GON4L: variants seen among roughly 807,000 people sequenced by gnomAD.
The protein encoded by GON4L is GON-4-like protein.
GON4L carries 87 observed loss-of-function variants against 211.8 expected under a neutral mutation model. That is an observed-to-expected ratio of 0.41 (90% CI 0.35 to 0.49). GON4L has a LOEUF of 0.49. GON4L is among the 20% of genes least tolerant of loss of function. GON4L has a pLI of 0.15. For synonymous variants in GON4L, 875 were observed against 962.6 expected (o/e 0.91, Z 1.68); for missense variants, 2,155 against 2,659.5 (o/e 0.81, Z 4.17).
intron 28 of GON4L, among the ~76,000 whole-genome samples, 163 bp from the exon 29 acceptor site, chr1:155,753,577 T>C (rs1157340903): frequency 6.6e-6 from 1 of 152,180 alleles, no homozygotes; most frequent in Non-Finnish European, 1.5e-5. Flanking sequence ...CAGTGGTACA[T>C]GCCTATAAAC....
rs145107605 is a variant in GON4L at position 155,770,181 on chromosome 1, C to A, written c.2646+886G>T. Among the ~76,000 whole-genome samples the A allele has an allele frequency of 2.3e-4, 35 of 152,012 alleles. No homozygotes were observed. The East Asian group carries it at 6.6e-3, about 29-fold the overall frequency. On this transcript the variant is annotated intron_variant, in intron 19 of 31. Coordinates refer to ENST00000368331, the MANE Select transcript of GON4L (RefSeq NM_001282860.2). ...GAGCTATGACTGTACCACTGTACTC[C>A]AGCCTGGGTAGCAGAGTAAGACCCT...
intron 27 of GON4L, among the ~76,000 whole-genome samples, chr1:155,756,112 TCA>T (rs1225981804): frequency 6.6e-6 from 1 of 152,112 alleles, no homozygotes; most frequent in Non-Finnish European, 1.5e-5. Context: ...TCTCTGCACT[TCA>T]GTTATGTCTT....
chr1:155,758,506 G>A (rs140835264), intron 24 of GON4L, among the ~76,000 whole-genome samples: 2 of 152,308 alleles, frequency 1.3e-5, no homozygotes, highest in African/African-American at 2.4e-5. Flanking sequence ...GGGCCGTGGT[G>A]TACACCTGTA....
intron 8 of GON4L, among the ~76,000 whole-genome samples, chr1:155,814,914 A>G (rs1258989660): frequency 1.3e-5 from 2 of 151,538 alleles, no homozygotes; most frequent in Non-Finnish European, 2.9e-5. Context: ...GAAGTCCGAG[A>G]CCAGCCTGGC....
intron 11 of GON4L, among the ~76,000 whole-genome samples, chr1:155,798,729 C>A (rs566966719): frequency 5.3e-5 from 8 of 151,874 alleles, no homozygotes; most frequent in South Asian, 4.2e-4. Flanking sequence ...TCAAAAAGTT[C>A]TTAACAAACA....
At chr1:155,806,958 C>T (rs1667185581) in intron 10 of GON4L, among the ~76,000 whole-genome samples, 2 of 151,940 alleles carry the variant, frequency 1.3e-5, no homozygotes, top group South Asian at 4.2e-4. Flanking sequence ...AAATTAGTTG[C>T]GTGTGGTGGC....
At chr1:155,748,978 G>C (rs545839541), downstream of GON4L, among the ~76,000 whole-genome samples, 1 of 152,272 alleles carries the variant, frequency 6.6e-6, no homozygotes, top group South Asian at 2.1e-4. Flanking sequence ...CTTGGGCTAG[G>C]CATGGTGGCT....
intron 2 of GON4L, among the ~76,000 whole-genome samples, chr1:155,831,129 T>TGG: frequency 6.6e-6 from 1 of 151,980 alleles, no homozygotes; most frequent in Non-Finnish European, 1.5e-5. Context: ...TGAAACGCTA[T>TGG]CTCGACAAAA....
At chr1:155,797,615 G>A (rs1366863549) in intron 11 of GON4L, among the ~76,000 whole-genome samples, 1 of 151,304 alleles carries the variant, frequency 6.6e-6, no homozygotes, top group East Asian at 2.0e-4. Context: ...AGGCCGAGGT[G>A]GGAAGATCAC....
intron 3 of GON4L, among the ~76,000 whole-genome samples, chr1:155,824,884 C>G (rs1669052262): frequency 6.6e-6 from 1 of 151,772 alleles, no homozygotes; most frequent in Admixed American, 6.6e-5. Context: ...GGTGAGGAGG[C>G]TCATGCCTGT....
chr1:155,838,769 CAAA>C (rs544440659), intron 2 of GON4L, among the ~76,000 whole-genome samples: 1 of 69,128 alleles, frequency 1.4e-5, no homozygotes. Flanking sequence ...GACTCTGTCT[CAAA>C]AAAAAAAAAA....
intron 11 of GON4L, among the ~76,000 whole-genome samples, chr1:155,796,738 T>C (rs1666103379): frequency 6.6e-6 from 1 of 152,142 alleles, no homozygotes; most frequent in South Asian, 2.1e-4. Flanking sequence ...ATGATGGAAA[T>C]GATCTATACA....
intron 2 of GON4L, among the ~76,000 whole-genome samples, chr1:155,835,007 A>G (rs1288027778): frequency 6.6e-6 from 1 of 152,160 alleles, no homozygotes; most frequent in Non-Finnish European, 1.5e-5. Flanking sequence ...ACGGGCCATG[A>G]TGACAATGGC....
chr1:155,765,767 C>T lies in GON4L; in HGVS notation c.3706G>A (p.Ala1236Thr). Reference protein sequence around the residue: ...HVNVDIACAVADGENAFQGLE... With the variant: ...HVNVDIACAVTDGENAFQGLE... ...CCCTGAAAGGCATTTTCCCCATCAGCCACAGCACAAGCAATGTCCACATTC... is the reference window on the plus strand; with the variant it reads ...CCCTGAAAGGCATTTTCCCCATCAGTCACAGCACAAGCAATGTCCACATTC... Residue 1236 changes from alanine (A) to threonine (T), a missense_variant, in exon 21 of 32, where the codon GCT becomes ACT. This residue lies in a region of GON4L where 615 missense variants were observed against 625.7 expected (regional missense o/e 0.98). Coordinates refer to ENST00000368331, the MANE Select transcript of GON4L (RefSeq NM_001282860.2). 1 of 1,614,206 alleles carries T rather than the reference C, an allele frequency of 6.2e-7. No homozygotes were observed. Among genetic ancestry groups the T allele is most frequent in the Non-Finnish European group, 8.5e-7 (1 of 1,180,038 alleles).
At position 155,765,263 on chromosome 1, in the gene GON4L, T is replaced by A; in HGVS notation, c.4210A>T (p.Thr1404Ser). Reference sequence around the variant, plus strand: ...TTTGATGATCCTTTGTTCACATCTGTCCCTGAGGTTCCTTCATCAGGGGGC... The same window carrying A: ...TTTGATGATCCTTTGTTCACATCTGACCCTGAGGTTCCTTCATCAGGGGGC... ...QEPPDEGTSG[T>S]DVNKGSSKNA... Residue 1404 changes from threonine (T) to serine (S), a missense_variant, in exon 21 of 32, where the codon ACA (threonine) becomes TCA (serine). By Grantham distance (58) the Thr-to-Ser change is moderately conservative. This residue lies in a region of GON4L where 615 missense variants were observed against 625.7 expected (regional missense o/e 0.98). Transcript: ENST00000368331. 1 of 1,614,102 alleles carries A rather than the reference T, an allele frequency of 6.2e-7. No individual in the cohort carries two copies. The highest frequency in any genetic ancestry group is 8.5e-7 in the Non-Finnish European group (1 of 1,179,944).
chr1:155,822,815 C>T (rs527900460), intron 3 of GON4L, among the ~76,000 whole-genome samples: 42 of 152,214 alleles, frequency 2.8e-4, no homozygotes, highest in Admixed American at 5.2e-4. Context: ...TTTTTTGAGA[C>T]GGAGTTTTCG....
chr1:155,824,460 A>G (rs936503479), intron 3 of GON4L, among the ~76,000 whole-genome samples: 7 of 147,292 alleles, frequency 4.8e-5, no homozygotes, highest in African/African-American at 1.8e-4. Context: ...AAAAAAAAAA[A>G]AAGGCTAGGC....
At chr1:155,843,593 T>C (rs1670973796) in intron 2 of GON4L, among the ~76,000 whole-genome samples, 1 of 151,938 alleles carries the variant, frequency 6.6e-6, no homozygotes, top group Non-Finnish European at 1.5e-5. Context: ...AGACAGAAAT[T>C]CCCCACGATG....
chr1:155,747,510 C>G, downstream of GON4L: 1 of 1,610,928 alleles, frequency 6.2e-7, no homozygotes, highest in Non-Finnish European at 8.5e-7. Flanking sequence ...GGACAAGAGG[C>G]TGAGGAGTTG....
Sources: allele counts gnomAD v4.1 joint callset (sites outside exome capture counted in the v4.1 genomes callset), GRCh38; gene constraint gnomAD v4.1.1; regional missense constraint gnomAD v4.1.1; transcripts MANE v1.5; gene names NCBI Gene and HGNC (gene_info 2026-07-23, HGNC 2026-07-21).